Variants in CDH12 observed in about 807,000 individuals in gnomAD.
The protein encoded by CDH12 is cadherin 12.
In CDH12, 41 loss-of-function variants were observed where a neutral mutation model predicts 74.1. The ratio of observed to expected loss-of-function variants is 0.55; its 90% confidence interval spans 0.43 to 0.72. The LOEUF is 0.72. Among genes scored for constraint, CDH12 ranks in the 30% least tolerant of loss-of-function variants. The pLI, the probability that CDH12 is intolerant of heterozygous loss-of-function variation, is 0.00. For synonymous variants in CDH12, 399 were observed against 355.0 expected (o/e 1.12, Z -1.39); for missense variants, 945 against 977.2 (o/e 0.97, Z 0.44).
At chr5:22,610,001 T>C (rs1386249933) in intron 1 of CDH12, among the ~76,000 whole-genome samples, 1 of 152,260 alleles carries the variant, frequency 6.6e-6, no homozygotes, top group Non-Finnish European at 1.5e-5. Flanking sequence ...GATTGCTGCT[T>C]ACTAATTTCA....
rs1554012020 is a variant in CDH12 at position 22,117,478 on chromosome 5, T to TAATATATATATAA, written c.-186-38617_-186-38616insTTATATATATATT. ...ATATATTATATATATAATATATATA[T>TAATATATATATAA]TATATATATATTATATATATATAAT... is the stretch of plus-strand genomic sequence containing the variant. On this transcript the variant is annotated intron_variant, in intron 4 of 14. Coordinates refer to ENST00000382254, the MANE Select transcript of CDH12 (RefSeq NM_004061.5). Among the ~76,000 whole-genome samples, 74 of 68,284 alleles carry TAATATATATATAA rather than the reference T, an allele frequency of 1.1e-3. 1 individual carries two copies. The highest frequency in any genetic ancestry group is 1.8e-3 in the Non-Finnish European group (68 of 38,640). The allele number at this position is 68,284 out of a possible 152,430, so 44.8% of individuals were successfully genotyped here. A position where few individuals can be genotyped will look rare whatever the true frequency, so the allele number is the denominator to read the frequency against.
intron 2 of CDH12, among the ~76,000 whole-genome samples, chr5:22,472,940 TACAAGG>T (rs1746025795): frequency 6.6e-6 from 1 of 152,194 alleles, no homozygotes; most frequent in Non-Finnish European, 1.5e-5. Context: ...CTTTCCATTT[TACAAGG>T]ATCTGTGGAA....
At chr5:21,788,133 T>C (rs966595104) in intron 10 of CDH12, among the ~76,000 whole-genome samples, 1 of 152,136 alleles carries the variant, frequency 6.6e-6, no homozygotes, top group Non-Finnish European at 1.5e-5. Context: ...AGACTTTAGT[T>C]GGGAAGACAT....
intron 5 of CDH12, among the ~76,000 whole-genome samples, chr5:22,014,273 A>G (rs4524471): frequency 0.031 from 4,778 of 152,088 alleles, 257 homozygotes; most frequent in African/African-American, 0.11. Flanking sequence ...AATAGAATAA[A>G]TGAAGAGATT....
chr5:22,749,058 T>C (rs1561002719), intron 1 of CDH12, among the ~76,000 whole-genome samples: 1 of 152,220 alleles, frequency 6.6e-6, no homozygotes, highest in Non-Finnish European at 1.5e-5. Flanking sequence ...ATGCTCTCAA[T>C]GCTTTTAGGA....
intron 6 of CDH12, among the ~76,000 whole-genome samples, chr5:21,861,899 AGTGTGTGTGTGTGTGT>A (rs59953319): frequency 6.8e-6 from 1 of 147,722 alleles, no homozygotes; most frequent in Non-Finnish European, 1.5e-5. Context: ...GGTCATTTCT[AGTGTGTGTGTGTGTGT>A]GTGTGTGTGT....
intron 6 of CDH12, among the ~76,000 whole-genome samples, chr5:21,923,585 C>T (rs1384339185): frequency 1.3e-5 from 2 of 152,218 alleles, no homozygotes; most frequent in East Asian, 3.9e-4. Context: ...TTTATGCTCC[C>T]CATGTCTTCT....
At chr5:22,113,473 C>CA (rs1744927036) in intron 4 of CDH12, among the ~76,000 whole-genome samples, 1 of 152,094 alleles carries the variant, frequency 6.6e-6, no homozygotes, top group South Asian at 2.1e-4. Context: ...TAGATAAACT[C>CA]ACCAGTTATC....
chr5:22,435,938 C>G (rs914499614), intron 2 of CDH12, among the ~76,000 whole-genome samples: 1 of 151,900 alleles, frequency 6.6e-6, no homozygotes, highest in Admixed American at 6.6e-5. Flanking sequence ...TCCCCCCACC[C>G]ATCATGGTGT....
chr5:22,545,676 A>T (rs530029840), intron 1 of CDH12, among the ~76,000 whole-genome samples: 2 of 152,234 alleles, frequency 1.3e-5, no homozygotes, highest in Non-Finnish European at 2.9e-5. Context: ...ATTTTAATCC[A>T]TAAATTATCT....
chr5:22,792,456 G>A (rs969265555), intron 1 of CDH12, among the ~76,000 whole-genome samples: 1 of 152,178 alleles, frequency 6.6e-6, no homozygotes, highest in African/African-American at 2.4e-5. Flanking sequence ...TAGGTTAGCA[G>A]AAAACAGAAA....
intron 3 of CDH12, among the ~76,000 whole-genome samples, chr5:22,380,469 T>G (rs1741712034): frequency 6.6e-6 from 1 of 152,152 alleles, no homozygotes; most frequent in African/African-American, 2.4e-5. Flanking sequence ...AATATAGAAT[T>G]AGATACTATT....
At chr5:21,879,600 T>C (rs1228777772) in intron 6 of CDH12, among the ~76,000 whole-genome samples, 1 of 152,236 alleles carries the variant, frequency 6.6e-6, no homozygotes, top group African/African-American at 2.4e-5. Flanking sequence ...CTCATTATAC[T>C]AAAAGTATTT....
intron 2 of CDH12, among the ~76,000 whole-genome samples, chr5:22,468,839 C>G (rs1295040342): frequency 6.6e-6 from 1 of 152,134 alleles, no homozygotes; most frequent in East Asian, 1.9e-4. Context: ...CTCCCATATC[C>G]TCTCAAAAGT....
chr5:21,950,495 A>C (rs1755801547), intron 6 of CDH12, among the ~76,000 whole-genome samples: 2 of 152,200 alleles, frequency 1.3e-5, no homozygotes, highest in Non-Finnish European at 2.9e-5. Flanking sequence ...ATTGTTAAAC[A>C]TAAAAGGCCT....
intron 4 of CDH12, among the ~76,000 whole-genome samples, chr5:22,085,602 C>T (rs1005419707): frequency 2.0e-5 from 3 of 152,030 alleles, no homozygotes; most frequent in African/African-American, 7.2e-5. Flanking sequence ...CCTCCCCCAC[C>T]TCCTCTTGTG....
At chr5:21,996,105 G>GTTTT (rs61516659) in intron 5 of CDH12, among the ~76,000 whole-genome samples, 4 of 113,552 alleles carry the variant, frequency 3.5e-5, no homozygotes, top group Non-Finnish European at 5.8e-5. Context: ...TCACACACAC[G>GTTTT]TTTTTTTTTT....
At chr5:22,118,751 G>T (rs893140599) in intron 4 of CDH12, among the ~76,000 whole-genome samples, 2 of 151,896 alleles carry the variant, frequency 1.3e-5, no homozygotes, top group Non-Finnish European at 2.9e-5. Flanking sequence ...TACTTTGTTT[G>T]GTTCTCTTCT....
chr5:22,151,365 T>A (rs1176745726), intron 4 of CDH12, among the ~76,000 whole-genome samples: 1 of 152,198 alleles, frequency 6.6e-6, no homozygotes, highest in Non-Finnish European at 1.5e-5. Context: ...GAACTCACTT[T>A]GGGAAATACC....
Sources: allele counts gnomAD v4.1 joint callset (sites outside exome capture counted in the v4.1 genomes callset), GRCh38; gene constraint gnomAD v4.1.1; transcripts MANE v1.5; gene names NCBI Gene and HGNC (gene_info 2026-07-23, HGNC 2026-07-21).